The following PDE4D variants were observed in gnomAD, a reference collection of about 807,000 sequenced individuals.
PDE4D encodes phosphodiesterase 4D.
In PDE4D, 24 loss-of-function variants were observed where a neutral mutation model predicts 87.4. The ratio of observed to expected loss-of-function variants is 0.27; its 90% CI spans 0.20 to 0.39. PDE4D has a LOEUF of 0.39. Ranked by LOEUF, PDE4D falls within the 10% of genes least tolerant of loss-of-function variation. The pLI, the probability that PDE4D is intolerant of heterozygous loss-of-function variation, is 1.00. For synonymous variants in PDE4D, 384 were observed against 383.2 expected (o/e 1.00, Z -0.02); for missense variants, 714 against 1,041.0 (o/e 0.69, Z 4.32).
chr5:59,831,319 T>C (rs1741171644), intron 1 of PDE4D, among the ~76,000 whole-genome samples: 1 of 105,632 alleles, frequency 9.5e-6, no homozygotes, highest in African/African-American at 4.8e-5. Flanking sequence ...AGGTCATAAA[T>C]TATTCTCAAA....
chr5:60,150,526 T>C (rs1562154772), intron 2 of PDE4D, among the ~76,000 whole-genome samples: 1 of 152,064 alleles, frequency 6.6e-6, no homozygotes, highest in East Asian at 1.9e-4. Context: ...GTTTAAAAAG[T>C]GTCTCTCAGA....
At chr5:59,088,938 G>T (rs894774210) in intron 5 of PDE4D, among the ~76,000 whole-genome samples, 2 of 152,066 alleles carry the variant, frequency 1.3e-5, no homozygotes, top group Non-Finnish European at 1.5e-5. Context: ...GAACTTAAAA[G>T]TTAAAAAGAA....
At chr5:60,008,583 A>C (rs1323455836) in intron 2 of PDE4D, among the ~76,000 whole-genome samples, 1 of 152,026 alleles carries the variant, frequency 6.6e-6, no homozygotes, top group East Asian at 1.9e-4. Flanking sequence ...TGAATTGCCC[A>C]GGATTGGGGT....
rs543288396 is a variant in PDE4D, at chr5:59,808,342, A to G, written c.455+84826T>C. ...TCTTACTTCCTGGTTCCTGAGGCCA[A>G]TTTTTGACCCAATATCTATTTTCTT... On this transcript the variant is annotated intron_variant, in intron 1 of 14. Transcript: ENST00000340635. Among the ~76,000 whole-genome samples, 17 of 152,232 alleles carry G rather than the reference A, an allele frequency of 1.1e-4. No homozygotes were observed. In the South Asian group the frequency reaches 3.5e-3, roughly 31 times the overall value.
chr5:59,262,768 A>T (rs966029083), intron 1 of PDE4D, among the ~76,000 whole-genome samples: 1 of 151,886 alleles, frequency 6.6e-6, no homozygotes, highest in African/African-American at 2.4e-5. Context: ...TTCATATAAA[A>T]ATCACCCATT....
chr5:59,262,568 CCT>C (rs1402619569), intron 1 of PDE4D, among the ~76,000 whole-genome samples: 1 of 151,792 alleles, frequency 6.6e-6, no homozygotes, highest in Admixed American at 6.6e-5. Context: ...TAAGTTGTTC[CCT>C]GACTTTGAAG....
chr5:59,876,138 T>A (rs886425149), intron 1 of PDE4D, among the ~76,000 whole-genome samples: 1 of 152,166 alleles, frequency 6.6e-6, no homozygotes, highest in Admixed American at 6.5e-5. Flanking sequence ...ACAACATATA[T>A]ATTCTATAAC....
At chr5:59,897,052 G>A (rs547210148), upstream of PDE4D, among the ~76,000 whole-genome samples, 4 of 152,292 alleles carry the variant, frequency 2.6e-5, no homozygotes, top group African/African-American at 7.2e-5. Context: ...GAAGCATTGG[G>A]TTAATGTGGG....
chr5:60,214,568 G>A (rs1743631460), intron 1 of PDE4D, among the ~76,000 whole-genome samples: 1 of 151,930 alleles, frequency 6.6e-6, no homozygotes, highest in Admixed American at 6.6e-5. Flanking sequence ...AATACTTGAA[G>A]AAGAATTAAA....
chr5:59,972,726 C>T (rs1426580659), intron 3 of PDE4D, among the ~76,000 whole-genome samples: 1 of 152,162 alleles, frequency 6.6e-6, no homozygotes, highest in African/African-American at 2.4e-5. Context: ...CTTTGAGAAC[C>T]TCACTGCTCT....
At chr5:59,649,893 T>C (rs1216746833) in intron 1 of PDE4D, among the ~76,000 whole-genome samples, 2 of 144,422 alleles carry the variant, frequency 1.4e-5, no homozygotes, top group South Asian at 2.3e-4. Flanking sequence ...AAAATGTTGA[T>C]AGTTTGTGAA....
chr5:59,847,530 T>C (rs1171655837), intron 1 of PDE4D, among the ~76,000 whole-genome samples: 1 of 152,100 alleles, frequency 6.6e-6, no homozygotes, highest in African/African-American at 2.4e-5. Context: ...CCTTTCTTTT[T>C]TACCAGTCAA....
chr5:60,347,104 G>T (rs147642954), intron 1 of PDE4D, among the ~76,000 whole-genome samples: 1 of 152,142 alleles, frequency 6.6e-6, no homozygotes, highest in Non-Finnish European at 1.5e-5. Context: ...GAATGATTGG[G>T]TGATAGCAAA....
chr5:59,242,942 C>G (rs1219900378), intron 1 of PDE4D, among the ~76,000 whole-genome samples: 1 of 152,112 alleles, frequency 6.6e-6, no homozygotes, highest in Non-Finnish European at 1.5e-5. Context: ...ATGATTAGCT[C>G]TCAGTGTTAT....
intron 1 of PDE4D, among the ~76,000 whole-genome samples, chr5:60,513,863 T>C (rs943418147): frequency 3.3e-5 from 5 of 151,470 alleles, no homozygotes; most frequent in East Asian, 3.9e-4. Flanking sequence ...AATGTAAATA[T>C]TAAGTGAGAA....
chr5:60,517,729 G>A (rs1408103670), intron 1 of PDE4D, among the ~76,000 whole-genome samples: 1 of 152,200 alleles, frequency 6.6e-6, no homozygotes, highest in African/African-American at 2.4e-5. Context: ...TCTCCTGGGA[G>A]CTGTACCGTC....
intron 2 of PDE4D, among the ~76,000 whole-genome samples, chr5:60,103,951 C>T (rs1283413930): frequency 6.6e-6 from 1 of 152,194 alleles, no homozygotes; most frequent in East Asian, 1.9e-4. Flanking sequence ...CAGGTGACTT[C>T]TGCATTTCCA....
rs778708894 is a variant in PDE4D at position 58,977,178 on chromosome 5, A to G, written c.1707+13T>C. 1.3e-6 allele frequency: 2 copies of G among 1,599,060 alleles called. No individual in the cohort carries two copies. Among genetic ancestry groups the G allele is most frequent in the East Asian group, 2.2e-5 (1 of 44,764 alleles). Reference sequence around the variant, plus strand: ...ATCACAGTTCTCTTCTTTGGCTTTTATCAGCTACTTACGATGTCAATGACC... The same window carrying G: ...ATCACAGTTCTCTTCTTTGGCTTTTGTCAGCTACTTACGATGTCAATGACC... On this transcript the variant is annotated intron_variant, in intron 12 of 14. Transcript: ENST00000340635.
chr5:59,025,842 A>G (rs1756120909), intron 6 of PDE4D, among the ~76,000 whole-genome samples: 1 of 152,220 alleles, frequency 6.6e-6, no homozygotes, highest in Non-Finnish European at 1.5e-5. Flanking sequence ...GCAGGCCTGT[A>G]CTTTCTACTC....
Sources: allele counts gnomAD v4.1 joint callset (sites outside exome capture counted in the v4.1 genomes callset), GRCh38; gene constraint gnomAD v4.1.1; transcripts MANE v1.5; gene names NCBI Gene and HGNC (gene_info 2026-07-23, HGNC 2026-07-21).